The following ZNF85 variants were observed in gnomAD, a reference collection of about 807,000 sequenced individuals.
ZNF85 encodes zinc finger protein 85, also known as zinc finger protein 85 (HPF4, HTF1).
Under a neutral mutation model 53.9 loss-of-function variants are expected in ZNF85, and 50 were observed. The ratio of observed to expected loss-of-function variants is 0.93; its 90% CI spans 0.74 to 1.17. ZNF85 has a LOEUF of 1.17. Ranked by LOEUF, ZNF85 falls within the 50% of genes most tolerant of loss-of-function variation. The pLI is 0.00. For synonymous variants in ZNF85, 225 were observed against 226.1 expected (o/e 1.00, Z 0.04); for missense variants, 747 against 688.5 (o/e 1.08, Z -0.95).
At chr19:20,931,886 C>T (rs1004228569) in intron 1 of ZNF85, among the ~76,000 whole-genome samples, 2 of 152,062 alleles carry the variant, frequency 1.3e-5, no homozygotes, top group Admixed American at 6.6e-5. Flanking sequence ...GGATTATAGG[C>T]GTGAGCCACC....
chr19:20,931,614 CTTTTTCTT>C (rs1329590491), intron 1 of ZNF85, among the ~76,000 whole-genome samples: 11 of 125,032 alleles, frequency 8.8e-5, no homozygotes, highest in Admixed American at 1.6e-4. Flanking sequence ...TTTTCTTTTT[CTTTTTCTT>C]TTTTTTTTTT....
intron 3 of ZNF85, among the ~76,000 whole-genome samples, chr19:20,938,659 C>A (rs1599438214): frequency 6.6e-6 from 1 of 151,896 alleles, no homozygotes; most frequent in Admixed American, 6.6e-5. Context: ...CATGTTATGC[C>A]TGAAGTAAAT....
At position 20,949,434 on chromosome 19, in the gene ZNF85, T is replaced by A; in HGVS notation, c.920T>A (p.Ile307Asn). 1 of 1,610,598 alleles carries A rather than the reference T, an allele frequency of 6.2e-7. No homozygotes were observed. Among genetic ancestry groups the A allele is most frequent in the Non-Finnish European group, 8.5e-7 (1 of 1,177,848 alleles). ...TCAACCCTTACTACCCATAGAAAAA[T>A]TCATACTGGAGAGAAACCTTACAAA... ...RSSTLTTHRK[I>N]HTGEKPYKCE... Residue 307 changes from isoleucine to asparagine, a missense_variant, in exon 4 of 4, where the codon ATT (isoleucine) becomes AAT (asparagine). Ile to Asn is a moderately radical substitution (Grantham distance 149). Coordinates refer to ENST00000328178, the MANE Select transcript of ZNF85 (RefSeq NM_003429.5).
rs367859040 is a variant in ZNF85 at position 20,946,592 on chromosome 19, A to ACACACACACACACACACC, written c.230-2151_230-2150insACACACACACACACACCC. ...CATGCACACACACACACACACACAC[A>ACACACACACACACACACC]CCCCACAAATGTATATAGAAATTTT... is the stretch of plus-strand genomic sequence containing the variant. On this transcript the variant is annotated intron_variant, in intron 3 of 3. Transcript: ENST00000328178. Among the ~76,000 whole-genome samples the ACACACACACACACACACC allele has an allele frequency of 1.2e-3, 185 of 151,546 alleles. 1 individual carries two copies. Among genetic ancestry groups the ACACACACACACACACACC allele is most frequent in the African/African-American group, 3.7e-3 (153 of 41,318 alleles).
At chr19:20,941,452 G>A (rs1157408089) in intron 3 of ZNF85, among the ~76,000 whole-genome samples, 2 of 151,980 alleles carry the variant, frequency 1.3e-5, no homozygotes, top group African/African-American at 4.8e-5. Context: ...TAGTAGAGAC[G>A]GGGTTTCACC....
At chr19:20,932,399 A>G (rs1420242012) in intron 1 of ZNF85, among the ~76,000 whole-genome samples, 1 of 152,120 alleles carries the variant, frequency 6.6e-6, no homozygotes, top group African/African-American at 2.4e-5. Context: ...TTTTTTCTAT[A>G]TACCAGAGCC....
chr19:20,950,453 A>C lies in ZNF85; in HGVS notation c.*151A>C. ...AATCATACTGGTGAGAAATTCTAAA[A>C]ATGTGAAGACTATGGCAAAGTCTTT... On this transcript the variant is annotated 3_prime_UTR_variant, in exon 4 of 4. Transcript: ENST00000328178. 1.8e-6 allele frequency: 1 copy of C among 567,768 alleles called. No individual in the cohort carries two copies. Among genetic ancestry groups the C allele is most frequent in the African/African-American group, 1.9e-5 (1 of 52,022 alleles). The allele number at this position is 567,768 out of a possible 1,614,324, so 35.2% of individuals were successfully genotyped here. A position where few individuals can be genotyped will look rare whatever the true frequency, so the allele number is the denominator to read the frequency against.
chr19:20,928,367 T>A (rs746324483), intron 1 of ZNF85: 3 of 152,298 alleles, frequency 2.0e-5, no homozygotes, highest in Non-Finnish European at 4.4e-5. Flanking sequence ...CGAATGGAAC[T>A]CTGGGTGTCT....
rs759225267 is a variant in ZNF85, at chr19:20,949,065, G to A, written c.551G>A (p.Gly184Asp). 3.1e-6 allele frequency: 5 copies of A among 1,613,658 alleles called. No individual in the cohort carries two copies. In the African/African-American group the frequency reaches 4.0e-5, roughly 13 times the overall value. ...TGTACAAAATGTGGCAAATCATTTG[G>A]CATGATTTCATGCCTAACTGAACAT... The part of the protein sequence containing the change: ...FKCTKCGKSF[G>D]MISCLTEHSR... Residue 184 changes from glycine to aspartate, a missense_variant, in exon 4 of 4, where the codon GGC (glycine) becomes GAC (aspartate). Gly to Asp is a moderately conservative substitution (Grantham distance 94, BLOSUM62 -1). Coordinates refer to ENST00000328178, the MANE Select transcript of ZNF85 (RefSeq NM_003429.5).
rs1973513581 is a variant in ZNF85, at chr19:20,949,450, A to G, written c.936A>G (p.Lys312=). The part of the protein sequence containing the change: ...TTHRKIHTGE[K]PYKCEECGKA... The stretch of plus-strand genomic sequence containing the variant: ...ATAGAAAAATTCATACTGGAGAGAA[A>G]CCTTACAAATGTGAAGAATGTGGCA... Residue 312 remains lysine (K), a synonymous_variant, in exon 4 of 4, where the codon AAA becomes AAG. Transcript: ENST00000328178. 3.7e-6 allele frequency: 6 copies of G among 1,613,336 alleles called. No individual in the cohort carries two copies. The highest frequency in any genetic ancestry group is 5.1e-6 in the Non-Finnish European group (6 of 1,179,668).
At position 20,949,483 on chromosome 19, in the gene ZNF85, T is replaced by C; in HGVS notation, c.969T>C (p.Phe323=). The C allele has an allele frequency of 6.2e-7, 1 of 1,613,580 alleles. No homozygotes were observed. Among genetic ancestry groups the C allele is most frequent in the African/African-American group, 1.3e-5 (1 of 75,028 alleles). The part of the protein sequence containing the change: ...PYKCEECGKA[F]KQSSNLTTHK... ...AATGTGAAGAATGTGGCAAAGCCTTTAAGCAGTCCTCAAACCTTACTACAC... is the reference window on the plus strand; with the variant it reads ...AATGTGAAGAATGTGGCAAAGCCTTCAAGCAGTCCTCAAACCTTACTACAC... Residue 323 remains phenylalanine (F), a synonymous_variant, in exon 4 of 4, where the codon TTT becomes TTC. Coordinates refer to ENST00000328178, the MANE Select transcript of ZNF85 (RefSeq NM_003429.5).
chr19:20,944,648 T>C (rs1454962911), intron 3 of ZNF85, among the ~76,000 whole-genome samples: 1 of 118,968 alleles, frequency 8.4e-6, no homozygotes, highest in Non-Finnish European at 1.9e-5. Context: ...TATTCTATGA[T>C]TTTTTTTCAT....
chr19:20,947,765 A>AT (rs1222579815), intron 3 of ZNF85, among the ~76,000 whole-genome samples: 1 of 151,072 alleles, frequency 6.6e-6, no homozygotes, highest in East Asian at 1.9e-4. Context: ...TTATATTAAA[A>AT]TTTTTTTGTA....
chr19:20,946,570 G>GCACGCA (rs1555794713), intron 3 of ZNF85, among the ~76,000 whole-genome samples: 1 of 145,086 alleles, frequency 6.9e-6, no homozygotes, highest in African/African-American at 2.5e-5. Flanking sequence ...ATATACACAT[G>GCACGCA]CACACACACA....
intron 1 of ZNF85, among the ~76,000 whole-genome samples, chr19:20,925,776 AC>A (rs1296077586): frequency 6.6e-6 from 1 of 152,338 alleles, no homozygotes; most frequent in East Asian, 1.9e-4. Flanking sequence ...TAGGTCAGAC[AC>A]ATCTCTTTTC....
intron 3 of ZNF85, among the ~76,000 whole-genome samples, chr19:20,947,961 G>T (rs1291401061): frequency 6.6e-6 from 1 of 151,476 alleles, no homozygotes; most frequent in African/African-American, 2.4e-5. Flanking sequence ...GTTTCTGATG[G>T]GGCTATGTTG....
chr19:20,945,806 CA>C (rs1370307273), intron 3 of ZNF85: 1 of 152,186 alleles, frequency 6.6e-6, no homozygotes, highest in Non-Finnish European at 1.5e-5. Flanking sequence ...TTTTATATTT[CA>C]AATTAAATCT....
intron 3 of ZNF85, among the ~76,000 whole-genome samples, chr19:20,947,481 C>T (rs1349737339): frequency 8.2e-6 from 1 of 121,718 alleles, no homozygotes; most frequent in Non-Finnish European, 1.7e-5. Flanking sequence ...TATGCAGTGC[C>T]AATACACTTT....
Position 20,948,908 on chromosome 19 carries a change from A to G in ZNF85, c.394A>G (p.Asn132Asp). The G allele has an allele frequency of 1.9e-6, 3 of 1,613,730 alleles. No individual in the cohort carries two copies. The highest frequency in any genetic ancestry group is 2.5e-6 in the Non-Finnish European group (3 of 1,179,758). Residue 132 changes from asparagine to aspartate, a missense_variant, in exon 4 of 4, where the codon AAT becomes GAT. Asn to Asp is a conservative substitution (Grantham distance 23, BLOSUM62 1). Coordinates refer to ENST00000328178, the MANE Select transcript of ZNF85 (RefSeq NM_003429.5). ...DECKMHKGGC[N>D]GLNQCLTATQ... ...GTGTAAGATGCACAAAGGAGGTTGTAATGGACTTAACCAATGTCTCACAGC... is the reference window on the plus strand; with the variant it reads ...GTGTAAGATGCACAAAGGAGGTTGTGATGGACTTAACCAATGTCTCACAGC...
Sources: allele counts gnomAD v4.1 joint callset (sites outside exome capture counted in the v4.1 genomes callset), GRCh38; gene constraint gnomAD v4.1.1; transcripts MANE v1.5; gene names NCBI Gene and HGNC (gene_info 2026-07-23, HGNC 2026-07-21).